RPTOR: variants seen among roughly 807,000 people sequenced by gnomAD.
RPTOR encodes the protein regulatory-associated protein of mTOR.
In RPTOR, 21 loss-of-function variants were observed where a neutral mutation model predicts 169.9. That is an observed-to-expected ratio of 0.12 (90% CI 0.09 to 0.18). RPTOR has a LOEUF of 0.18. Ranked by LOEUF, RPTOR falls within the 10% of genes least tolerant of loss-of-function variation. The probability of loss-of-function intolerance (pLI) is 1.00; values close to 1 mark genes in which losing one functional copy is unlikely to be tolerated. For missense variants in RPTOR, 1,133 were observed against 1,855.9 expected, an observed-to-expected ratio of 0.61 and a Z score of 7.16; for synonymous variants, 732 against 753.2, an observed-to-expected ratio of 0.97 and a Z score of 0.46.
At chr17:80,611,293 A>G (rs1451188243) in intron 1 of RPTOR, among the ~76,000 whole-genome samples, 2 of 152,060 alleles carry the variant, frequency 1.3e-5, no homozygotes, top group Non-Finnish European at 1.5e-5. Context: ...ATGGAGTCGC[A>G]CTTTGTTGCC....
intron 9 of RPTOR, among the ~76,000 whole-genome samples, chr17:80,834,412 G>C (rs56043926): frequency 6.6e-6 from 1 of 152,094 alleles, no homozygotes; most frequent in Non-Finnish European, 1.5e-5. Context: ...TCCGTGCATC[G>C]TCTGGGCGCC....
chr17:80,700,409 GTGGTGGTGATGGTGA>G (rs1320806392), intron 3 of RPTOR, among the ~76,000 whole-genome samples: 3 of 146,734 alleles, frequency 2.0e-5, no homozygotes, highest in Admixed American at 6.8e-5. Flanking sequence ...GGTGATGGTG[GTGGTGGTGATGGTGA>G]TGGTGGTGGT....
At chr17:80,599,599 G>A (rs1315325184) in intron 1 of RPTOR, among the ~76,000 whole-genome samples, 1 of 152,152 alleles carries the variant, frequency 6.6e-6, no homozygotes, top group Non-Finnish European at 1.5e-5. Flanking sequence ...ATAGGGTCTA[G>A]TATTTTAGCC....
intron 6 of RPTOR, among the ~76,000 whole-genome samples, chr17:80,782,900 G>A (rs761808140): frequency 7.9e-5 from 12 of 152,206 alleles, no homozygotes; most frequent in Non-Finnish European, 1.5e-4. Context: ...GGGCCAAGGA[G>A]CACGGAGAAT....
chr17:80,575,065 A>G (rs2064949736), intron 1 of RPTOR, among the ~76,000 whole-genome samples: 1 of 152,038 alleles, frequency 6.6e-6, no homozygotes, highest in African/African-American at 2.4e-5. Flanking sequence ...TCTTGAGATG[A>G]GTACTTACCT....
intron 3 of RPTOR, among the ~76,000 whole-genome samples, chr17:80,680,770 A>G (rs112598013): frequency 6.6e-6 from 1 of 152,084 alleles, no homozygotes; most frequent in African/African-American, 2.4e-5. Context: ...TTAGTTAGTG[A>G]CAGAGGAGAA....
intron 4 of RPTOR, among the ~76,000 whole-genome samples, chr17:80,716,918 G>A (rs530031728): frequency 1.2e-4 from 19 of 152,210 alleles, no homozygotes; most frequent in Non-Finnish European, 2.4e-4. Flanking sequence ...ATTGTGTTCC[G>A]TTGGCCTATG....
At position 80,754,970 on chromosome 17, in the gene RPTOR, C is replaced by T. The variant is rs2066665716; in HGVS notation, c.830+785C>T. Among the ~76,000 whole-genome samples the T allele has an allele frequency of 6.6e-6, 1 of 152,196 alleles. No homozygotes were observed. Among genetic ancestry groups the T allele is most frequent in the Non-Finnish European group, 1.5e-5 (1 of 68,022 alleles). Reference sequence around the variant, plus strand: ...TGAGGCTTCTGTCAAGATGGCCTAACACTCTAGACAAGTCTCCTGCCTTCT... The same window carrying T: ...TGAGGCTTCTGTCAAGATGGCCTAATACTCTAGACAAGTCTCCTGCCTTCT... On this transcript the variant is annotated intron_variant, in intron 6 of 33. Transcript: ENST00000306801. This position sits in a 1 kb window ranked among gnomAD's most constrained non-coding sequence, Gnocchi z 4.2.
Position 80,921,516 on chromosome 17 carries a change from C to T in RPTOR, c.2521-1208C>T, listed in dbSNP as rs190403487. ...GCCGGGCAGCGCACGCCCTGCCTTG[C>T]GTGGTTTCTCACGGCTGCTCACTAA... On this transcript the variant is annotated intron_variant, in intron 21 of 33. Transcript: ENST00000306801. Among the ~76,000 whole-genome samples the T allele has an allele frequency of 4.6e-5, 7 of 152,360 alleles. No homozygotes were observed. The East Asian group carries it at 5.8e-4, about 13-fold the overall frequency.
At position 80,961,772 on chromosome 17, in the gene RPTOR, CA is replaced by C. The variant is rs1420263853; in HGVS notation, c.3692+293del. ...TGGGCAGCTGCTCTCCCTCCACGGG[CA>C]GGGGTGGCAGGGTGGCAGGGGCGGC... On this transcript the variant is annotated intron_variant, in intron 31 of 33. Coordinates refer to ENST00000306801, the MANE Select transcript of RPTOR (RefSeq NM_020761.3). 3.7e-5 allele frequency: 14 copies of C among 383,532 alleles called. No individual in the cohort carries two copies. The East Asian group carries it at 6.2e-4, about 17-fold the overall frequency. The allele number at this position is 383,532 out of a possible 1,614,324, so 23.8% of individuals were successfully genotyped here.
intron 2 of RPTOR, among the ~76,000 whole-genome samples, chr17:80,628,975 C>T (rs1320836289): frequency 6.6e-6 from 1 of 151,924 alleles, no homozygotes; most frequent in African/African-American, 2.4e-5. Context: ...TGGGACTCAG[C>T]TGTCTATGTA....
chr17:80,726,433 A>G lies in RPTOR; in HGVS notation c.508-4127A>G, dbSNP rs549261108. 1.7e-4 allele frequency among the ~76,000 whole-genome samples: 26 copies of G among 152,204 alleles called. No individual in the cohort carries two copies. The highest frequency in any genetic ancestry group is 8.5e-4 in the Admixed American group (13 of 15,298). ...TGCTGTCCTAGTGCAGCAGTACCTCATGGTTATGACGGATCATCTTCCTGA... is the reference window on the plus strand; with the variant it reads ...TGCTGTCCTAGTGCAGCAGTACCTCGTGGTTATGACGGATCATCTTCCTGA... On this transcript the variant is annotated intron_variant, in intron 4 of 33. Coordinates refer to ENST00000306801, the MANE Select transcript of RPTOR (RefSeq NM_020761.3). The surrounding 1 kb of genome is among the most constrained non-coding windows in gnomAD (Gnocchi z 4.5).
intron 1 of RPTOR, among the ~76,000 whole-genome samples, chr17:80,552,374 C>T (rs1023214083): frequency 2.0e-5 from 3 of 152,166 alleles, no homozygotes; most frequent in Non-Finnish European, 4.4e-5. Context: ...CCCTTCTCGT[C>T]GTTCATACTT....
At chr17:80,846,418 A>C in intron 10 of RPTOR, 55 bp from the exon 11 acceptor site, 1 of 1,554,436 alleles carries the variant, frequency 6.4e-7, no homozygotes, top group Non-Finnish European at 8.8e-7. Flanking sequence ...GGTGGGCAAG[A>C]CCAGGCCATC....
intron 5 of RPTOR, among the ~76,000 whole-genome samples, chr17:80,752,370 G>A (rs926435344): frequency 2.6e-5 from 4 of 152,212 alleles, no homozygotes; most frequent in African/African-American, 9.6e-5. Context: ...CTGCATCCCC[G>A]GAAGGGAGGC....
intron 1 of RPTOR, chr17:80,602,513 T>TA (rs1170364913): frequency 4.7e-6 from 2 of 421,636 alleles, no homozygotes; most frequent in Non-Finnish European, 9.0e-6. Context: ...GGGGGGGAGT[T>TA]TTATAACTTT....
At position 80,884,743 on chromosome 17, in the gene RPTOR, G is replaced by T. The variant is rs2068224949; in HGVS notation, c.1843-265G>T. On this transcript the variant is annotated intron_variant, in intron 16 of 33. Transcript: ENST00000306801. ...CTCGTTCATCAGCACATTCCCTGGT[G>T]CCTGGTTTGGTGTTTCAGTTCCCGG... Among the ~76,000 whole-genome samples, 2 of 152,174 alleles carry T rather than the reference G, an allele frequency of 1.3e-5. 1 individual carries two copies. The highest frequency in any genetic ancestry group is 1.3e-4 in the Admixed American group (2 of 15,284).
At chr17:80,622,218 A>G (rs1400183752) in intron 1 of RPTOR, among the ~76,000 whole-genome samples, 1 of 152,204 alleles carries the variant, frequency 6.6e-6, no homozygotes, top group African/African-American at 2.4e-5. Flanking sequence ...GTTTGAATCA[A>G]TCCCTCTCCA....
chr17:80,582,478 C>T (rs2143367351), intron 1 of RPTOR, among the ~76,000 whole-genome samples: 1 of 151,378 alleles, frequency 6.6e-6, no homozygotes, highest in Non-Finnish European at 1.5e-5. Context: ...TCTGATCGCA[C>T]ATACATGTGT....
Sources: gnomAD v4.1 joint callset for allele counts (sites outside exome capture counted in the v4.1 genomes callset) on GRCh38, gnomAD v4.1.1 for gene constraint, Gnocchi (gnomAD v3.1) non-coding constraint, MANE v1.5 for transcripts, NCBI Gene and HGNC (gene_info 2026-07-23, HGNC 2026-07-21) for gene names.